The following PRKN variants were observed in gnomAD, a reference collection of about 807,000 sequenced individuals.
The protein encoded by PRKN is E3 ubiquitin-protein ligase parkin.
Under a neutral mutation model 59.5 loss-of-function variants are expected in PRKN, and 56 were observed. That is an observed-to-expected ratio of 0.94 (90% CI 0.76 to 1.18). The LOEUF (loss-of-function observed/expected upper bound fraction) is 1.18, where lower values mean the gene tolerates loss of function less well. Ranked by LOEUF, PRKN falls within the 50% of genes most tolerant of loss-of-function variation. The pLI is 0.00. For synonymous variants in PRKN, 250 were observed against 222.1 expected, an observed-to-expected ratio of 1.13 and a Z score of -1.12; for missense variants, 657 against 596.4, an observed-to-expected ratio of 1.10 and a Z score of -1.06.
intron 6 of PRKN, among the ~76,000 whole-genome samples, chr6:161,874,069 T>A (rs1388399191): frequency 3.7e-5 from 2 of 54,468 alleles, no homozygotes; most frequent in African/African-American, 1.4e-4. Flanking sequence ...ATATATAATA[T>A]ATATTATATG....
chr6:162,617,049 T>C (rs1046968567), intron 1 of PRKN, among the ~76,000 whole-genome samples: 1 of 152,162 alleles, frequency 6.6e-6, no homozygotes, highest in African/African-American at 2.4e-5. Flanking sequence ...ATCTTAAAAT[T>C]TTTAATTGAT....
intron 1 of PRKN, among the ~76,000 whole-genome samples, chr6:162,648,459 G>A (rs1354992030): frequency 6.7e-6 from 1 of 149,934 alleles, no homozygotes; most frequent in Admixed American, 6.7e-5. Flanking sequence ...TTGACTCACT[G>A]CAACCTCCGC....
chr6:162,355,713 T>TAAA (rs563025533), intron 2 of PRKN, among the ~76,000 whole-genome samples: 1 of 145,634 alleles, frequency 6.9e-6, no homozygotes, highest in Non-Finnish European at 1.5e-5. Context: ...TGAACCAAAT[T>TAAA]AAAAAAAAAA....
chr6:161,433,419 A>G (rs1788740343), intron 9 of PRKN, among the ~76,000 whole-genome samples: 1 of 152,254 alleles, frequency 6.6e-6, no homozygotes, highest in African/African-American at 2.4e-5. Context: ...TAACTCAAGT[A>G]GGAAAAAATG....
intron 6 of PRKN, among the ~76,000 whole-genome samples, chr6:161,874,932 T>A (rs1350864551): frequency 2.5e-4 from 27 of 108,120 alleles, no homozygotes; most frequent in Non-Finnish European, 4.1e-4. Context: ...ATATAAAATA[T>A]AATATAATAT....
intron 6 of PRKN, among the ~76,000 whole-genome samples, chr6:161,829,405 G>A (rs549150995): frequency 6.6e-6 from 1 of 152,222 alleles, no homozygotes; most frequent in African/African-American, 2.4e-5. Flanking sequence ...GTTTTGTTTT[G>A]TTTTTTCCCT....
At chr6:162,606,907 T>C (rs748691944) in intron 1 of PRKN, among the ~76,000 whole-genome samples, 6 of 152,146 alleles carry the variant, frequency 3.9e-5, no homozygotes, top group Non-Finnish European at 5.9e-5. Flanking sequence ...GAGCCAGGTT[T>C]TCACCATATA....
intron 2 of PRKN, among the ~76,000 whole-genome samples, chr6:162,380,104 T>C (rs575668878): frequency 2.0e-5 from 3 of 152,302 alleles, no homozygotes; most frequent in East Asian, 3.9e-4. Flanking sequence ...TATGTTGCCA[T>C]ATTCTGTACT....
intron 6 of PRKN, among the ~76,000 whole-genome samples, chr6:161,880,654 A>G (rs1388826672): frequency 6.6e-6 from 1 of 152,076 alleles, no homozygotes; most frequent in Non-Finnish European, 1.5e-5. Flanking sequence ...CGGCCATGGG[A>G]AGCCAGCTTT....
intron 7 of PRKN, among the ~76,000 whole-genome samples, chr6:161,698,118 A>G (rs534804343): frequency 6.6e-6 from 1 of 152,302 alleles, no homozygotes; most frequent in Non-Finnish European, 1.5e-5. Flanking sequence ...ATTAGATTGA[A>G]GGAGTGAATC....
intron 1 of PRKN, among the ~76,000 whole-genome samples, chr6:162,465,131 G>A (rs952230307): frequency 1.3e-5 from 2 of 152,074 alleles, no homozygotes; most frequent in Non-Finnish European, 2.9e-5. Context: ...CAATTAACCA[G>A]TCTTACCAAG....
intron 5 of PRKN, among the ~76,000 whole-genome samples, chr6:162,040,067 T>C (rs1179684573): frequency 6.6e-6 from 1 of 151,954 alleles, no homozygotes; most frequent in African/African-American, 2.4e-5. Context: ...AGCTGGGAGG[T>C]GGAATTGTCT....
intron 6 of PRKN, among the ~76,000 whole-genome samples, chr6:161,917,317 G>C (rs543877352): frequency 4.6e-5 from 7 of 152,132 alleles, no homozygotes; most frequent in African/African-American, 1.7e-4. Flanking sequence ...TATTGGCCAG[G>C]CTGGTCTCAA....
chr6:162,517,015 G>A (rs903789708), intron 1 of PRKN, among the ~76,000 whole-genome samples: 1 of 152,100 alleles, frequency 6.6e-6, no homozygotes, highest in Non-Finnish European at 1.5e-5. Flanking sequence ...TGGAAATGCA[G>A]TGAAAACAGG....
intron 1 of PRKN, among the ~76,000 whole-genome samples, chr6:162,533,582 G>A (rs1778597216): frequency 6.6e-6 from 1 of 151,998 alleles, no homozygotes; most frequent in Non-Finnish European, 1.5e-5. Context: ...ATTACAAAGG[G>A]GATGAGTGAA....
At chr6:162,387,397 A>C (rs1242067113) in intron 2 of PRKN, among the ~76,000 whole-genome samples, 1 of 152,130 alleles carries the variant, frequency 6.6e-6, no homozygotes, top group East Asian at 1.9e-4. Context: ...TTATTGTGAG[A>C]AGGCTGTTAC....
At chr6:161,870,544 G>T (rs925363944) in intron 6 of PRKN, among the ~76,000 whole-genome samples, 3 of 152,092 alleles carry the variant, frequency 2.0e-5, no homozygotes, top group African/African-American at 7.2e-5. Flanking sequence ...ATGAGTCAGA[G>T]TACATTTAAC....
intron 7 of PRKN, among the ~76,000 whole-genome samples, chr6:161,772,504 A>G (rs1274358588): frequency 6.6e-6 from 1 of 152,208 alleles, no homozygotes; most frequent in Non-Finnish European, 1.5e-5. Flanking sequence ...GGAACCACCC[A>G]AAACACCAAA....
intron 6 of PRKN, among the ~76,000 whole-genome samples, chr6:161,929,461 C>G (rs1225015014): frequency 6.8e-6 from 1 of 146,678 alleles, no homozygotes; most frequent in African/African-American, 2.5e-5. Flanking sequence ...GGGAAAGGTA[C>G]TTAATGCTAC....
Sources: allele counts gnomAD v4.1 joint callset (sites outside exome capture counted in the v4.1 genomes callset), GRCh38; gene constraint gnomAD v4.1.1; transcripts MANE v1.5; gene names NCBI Gene and HGNC (gene_info 2026-07-23, HGNC 2026-07-21).